Variants in LINGO2 observed in about 807,000 individuals in gnomAD.
The protein encoded by LINGO2 is leucine-rich repeat and immunoglobulin-like domain-containing nogo receptor-interacting protein 2.
A neutral mutation model predicts 30.6 loss-of-function variants in LINGO2; 14 were observed. The observed-to-expected ratio is 0.46, with a 90% CI of 0.30 to 0.72. The LOEUF is 0.72. LINGO2 is among the 30% of genes least tolerant of loss of function. LINGO2 has a pLI of 0.07. For missense variants in LINGO2, 729 were observed against 751.7 expected (o/e 0.97, Z 0.35); for synonymous variants, 317 against 288.5 (o/e 1.10, Z -1.00).
At chr9:28,916,473 C>A in the LINGO2 span, among the ~76,000 whole-genome samples, 1 of 151,654 alleles carries the variant, frequency 6.6e-6, no homozygotes, top group African/African-American at 2.4e-5. Flanking sequence ...GTCTCCAAAA[C>A]CTCTTATCTT....
chr9:28,111,837 G>C (rs1345794306), intron 4 of LINGO2, among the ~76,000 whole-genome samples: 1 of 152,044 alleles, frequency 6.6e-6, no homozygotes, highest in Admixed American at 6.6e-5. Context: ...ATTATTTCTG[G>C]AGCACTCACT....
chr9:28,798,738 G>T, the LINGO2 span, among the ~76,000 whole-genome samples: 1 of 152,078 alleles, frequency 6.6e-6, no homozygotes, highest in African/African-American at 2.4e-5. Context: ...ACTGTTGAAA[G>T]GTGGCTTTCA....
intron 2 of LINGO2, among the ~76,000 whole-genome samples, chr9:28,406,204 G>A (rs1401890563): frequency 6.6e-6 from 1 of 152,100 alleles, no homozygotes; most frequent in Non-Finnish European, 1.5e-5. Flanking sequence ...TTAGGGAGGA[G>A]GTGGGCAGAT....
the LINGO2 span, among the ~76,000 whole-genome samples, chr9:28,763,662 A>G: frequency 6.6e-6 from 1 of 151,844 alleles, no homozygotes; most frequent in Admixed American, 6.6e-5. Flanking sequence ...AAAGTTAGCA[A>G]AAGAAAGACA....
chr9:28,318,195 A>C (rs926482541), intron 3 of LINGO2, among the ~76,000 whole-genome samples: 1 of 152,170 alleles, frequency 6.6e-6, no homozygotes, highest in Admixed American at 6.5e-5. Flanking sequence ...TAAACACCTA[A>C]GAAATGCAAA....
At chr9:28,773,753 G>A in the LINGO2 span, among the ~76,000 whole-genome samples, 12 of 152,124 alleles carry the variant, frequency 7.9e-5, no homozygotes. Context: ...TGGAGAGCAG[G>A]CTTGTGGAAA....
intron 1 of LINGO2, among the ~76,000 whole-genome samples, chr9:28,608,151 T>TA (rs10968670): frequency 0.075 from 11,101 of 147,568 alleles, 470 homozygotes; most frequent in African/African-American, 0.11. Context: ...TGTAGAAAGA[T>TA]AAAAAAAAAA....
intron 4 of LINGO2, among the ~76,000 whole-genome samples, chr9:28,186,067 T>C (rs1319538193): frequency 2.0e-5 from 3 of 152,178 alleles, no homozygotes; most frequent in Admixed American, 1.3e-4. Flanking sequence ...ATTCTCCTTT[T>C]ACCTGGTCAA....
intron 4 of LINGO2, among the ~76,000 whole-genome samples, chr9:28,075,185 T>C (rs980838400): frequency 7.9e-5 from 12 of 151,970 alleles, no homozygotes; most frequent in African/African-American, 2.9e-4. Flanking sequence ...TAGTTTTACA[T>C]ATTTTAAAAT....
At chr9:29,139,237 G>A in the LINGO2 span, among the ~76,000 whole-genome samples, 2 of 152,124 alleles carry the variant, frequency 1.3e-5, no homozygotes, top group Non-Finnish European at 2.9e-5. Context: ...CAAGCCTTGA[G>A]ATGTCTGAAG....
the LINGO2 span, among the ~76,000 whole-genome samples, chr9:29,103,524 A>G: frequency 6.6e-6 from 1 of 151,934 alleles, no homozygotes; most frequent in African/African-American, 2.4e-5. Flanking sequence ...TTTGCTAATA[A>G]GTTTATAATA....
chr9:28,156,964 T>C (rs1390207334), intron 4 of LINGO2, among the ~76,000 whole-genome samples: 1 of 152,182 alleles, frequency 6.6e-6, no homozygotes, highest in Non-Finnish European at 1.5e-5. Context: ...TGGCTGCCTT[T>C]GTGGGCTGGT....
In LINGO2 at chr9:28,590,962, G is replaced by T. The variant is rs573545396; in HGVS notation, c.-365+79238C>A. 1.6e-4 allele frequency among the ~76,000 whole-genome samples: 25 copies of T among 152,232 alleles called. No individual in the cohort carries two copies. The South Asian group carries it at 5.0e-3, about 30-fold the overall frequency. ...AGAAAATGTGGCACATATACACCAT[G>T]GAATACTATGCAGCCATAAAAAACG... is the stretch of plus-strand genomic sequence containing the variant. On this transcript the variant is annotated intron_variant, in intron 1 of 5. Coordinates refer to ENST00000379992, the Ensembl canonical transcript of LINGO2.
intron 4 of LINGO2, among the ~76,000 whole-genome samples, chr9:28,096,772 A>T (rs1246073315): frequency 6.6e-6 from 1 of 152,008 alleles, no homozygotes; most frequent in African/African-American, 2.4e-5. Flanking sequence ...ACTTATATCT[A>T]AACAACATGG....
At chr9:28,954,631 C>T in the LINGO2 span, among the ~76,000 whole-genome samples, 1 of 152,150 alleles carries the variant, frequency 6.6e-6, no homozygotes, top group Non-Finnish European at 1.5e-5. Context: ...ACAATGAAGA[C>T]ACAAATAATA....
At chr9:28,232,824 C>T (rs181812454) in intron 4 of LINGO2, among the ~76,000 whole-genome samples, 132 of 151,506 alleles carry the variant, frequency 8.7e-4, no homozygotes, top group Middle Eastern at 3.4e-3. Context: ...AGCTTGACTT[C>T]TTGCATTCCC....
the LINGO2 span, among the ~76,000 whole-genome samples, chr9:29,121,349 G>C: frequency 1.3e-5 from 2 of 152,032 alleles, no homozygotes; most frequent in African/African-American, 4.8e-5. Flanking sequence ...CCCTGCAAAT[G>C]CTATATTTTT....
chr9:28,367,997 G>T (rs1820743338), intron 3 of LINGO2, among the ~76,000 whole-genome samples: 1 of 151,566 alleles, frequency 6.6e-6, no homozygotes. Context: ...TTTTCCAAGA[G>T]CTTTTACTTT....
At chr9:28,853,775 T>C in the LINGO2 span, among the ~76,000 whole-genome samples, 1 of 151,832 alleles carries the variant, frequency 6.6e-6, no homozygotes, top group Non-Finnish European at 1.5e-5. Context: ...GAGAACAGCA[T>C]ATAGGAAACC....
Sources: allele counts gnomAD v4.1 joint callset (sites outside exome capture counted in the v4.1 genomes callset), GRCh38; gene constraint gnomAD v4.1.1; transcripts MANE v1.5; gene names NCBI Gene and HGNC (gene_info 2026-07-23, HGNC 2026-07-21).